The following ZNF12 variants were observed in gnomAD, a reference collection of about 807,000 sequenced individuals.
ZNF12 encodes gonadotropin inducible transcription repressor 3.
Under a neutral mutation model 66.6 loss-of-function variants are expected in ZNF12, and 34 were observed. The ratio of observed to expected loss-of-function variants is 0.51; its 90% CI spans 0.39 to 0.68. The LOEUF is 0.68. ZNF12 is among the 30% of genes least tolerant of loss of function. ZNF12 has a pLI of 0.00. For synonymous variants in ZNF12, 320 were observed against 278.9 expected (o/e 1.15, Z -1.47); for missense variants, 697 against 826.9 (o/e 0.84, Z 1.93).
chr7:6,691,435 A>G lies in ZNF12; in HGVS notation c.1507T>C (p.Ser503Pro), dbSNP rs1440133363. Residue 503 changes from serine to proline, a missense_variant, in exon 5 of 5, where the codon TCC becomes CCC. This residue lies in a region of ZNF12 where 401 missense variants were observed against 519.0 expected (regional missense o/e 0.77). Coordinates refer to ENST00000405858, the MANE Select transcript of ZNF12 (RefSeq NM_016265.4). ...YECNECGKLFSQLSYLTIHHR... is the reference protein window; with the variant it reads ...YECNECGKLFPQLSYLTIHHR... ...TGGATAGTGAGGTATGACAACTGGG[A>G]GAATAACTTTCCACATTCATTACAT... 6.2e-7 allele frequency: 1 copy of G among 1,614,032 alleles called. No homozygotes were observed. Among genetic ancestry groups the G allele is most frequent in the South Asian group, 1.1e-5 (1 of 91,072 alleles).
intron 2 of ZNF12, among the ~76,000 whole-genome samples, chr7:6,699,193 G>A (rs1371657501): frequency 6.6e-6 from 1 of 152,234 alleles, no homozygotes; most frequent in Non-Finnish European, 1.5e-5. Flanking sequence ...CAGGAATGGT[G>A]TAGAAGGTGT....
At chr7:6,695,322 T>C (rs1386517286) in intron 4 of ZNF12, among the ~76,000 whole-genome samples, 1 of 152,248 alleles carries the variant, frequency 6.6e-6, no homozygotes, top group Non-Finnish European at 1.5e-5. Flanking sequence ...TTAATCTGAA[T>C]CATATAGGTA....
Position 6,705,191 on chromosome 7 carries a change from A to G in ZNF12, c.-18T>C. ...TTATTCATTTTCTGCTGCTCTTGGA[A>G]AAATCTGGAGGACTGTGAAAGCGGA... On this transcript the variant is annotated 5_prime_UTR_variant, in exon 2 of 5. Coordinates refer to ENST00000405858, the MANE Select transcript of ZNF12 (RefSeq NM_016265.4). The surrounding 1 kb of genome is among the most constrained non-coding windows in gnomAD (Gnocchi z 4.0). 6.2e-7 allele frequency: 1 copy of G among 1,613,760 alleles called. No individual in the cohort carries two copies. The highest frequency in any genetic ancestry group is 8.5e-7 in the Non-Finnish European group (1 of 1,179,722).
chr7:6,699,266 T>C (rs1394891063), intron 2 of ZNF12, among the ~76,000 whole-genome samples: 1 of 152,228 alleles, frequency 6.6e-6, no homozygotes, highest in Non-Finnish European at 1.5e-5. Flanking sequence ...TGATGTTGAC[T>C]GAACACCTTG....
At position 6,699,942 on chromosome 7, in the gene ZNF12, A is replaced by AT. The variant is rs919775371; in HGVS notation, c.16-2132dup. Among the ~76,000 whole-genome samples the AT allele has an allele frequency of 7.2e-5, 11 of 151,878 alleles. No individual in the cohort carries two copies. The South Asian group carries it at 8.4e-4, about 12-fold the overall frequency. On this transcript the variant is annotated intron_variant, in intron 2 of 4. Transcript: ENST00000405858. Reference sequence around the variant, plus strand: ...ACATAAAATCTCTATTTTATTTTCGATTTTTTTTTAAATCTCTATTTTAAA... The same window carrying AT: ...ACATAAAATCTCTATTTTATTTTCGATTTTTTTTTTAAATCTCTATTTTAAA...
rs1054885412 is a variant in ZNF12, at chr7:6,696,845, T to A, written c.238+494A>T. On this transcript the variant is annotated intron_variant, in intron 4 of 4. Coordinates refer to ENST00000405858, the MANE Select transcript of ZNF12 (RefSeq NM_016265.4). The surrounding 1 kb of genome is among the most constrained non-coding windows in gnomAD (Gnocchi z 4.0). ...CTGTCCAATGAAGCACAGGTGCACA[T>A]GACAAGTAGCAGGATCCACTGGCTT... is the stretch of plus-strand genomic sequence containing the variant. Among the ~76,000 whole-genome samples the A allele has an allele frequency of 5.9e-5, 9 of 151,856 alleles. No homozygotes were observed. The highest frequency in any genetic ancestry group is 2.2e-4 in the African/African-American group (9 of 41,342).
rs1780337324 is a variant in ZNF12, at chr7:6,705,351, T to A, written c.-50-128A>T. 13 of 631,870 alleles carry A rather than the reference T, an allele frequency of 2.1e-5. No homozygotes were observed. In the South Asian group the frequency reaches 2.5e-4, roughly 12 times the overall value. 39.1% of individuals were successfully genotyped at this position (631,870 alleles called of 1,614,324 possible). A position where few individuals can be genotyped will look rare whatever the true frequency, so the allele number is the denominator to read the frequency against. On this transcript the variant is annotated intron_variant, in intron 1 of 4. Coordinates refer to ENST00000405858, the MANE Select transcript of ZNF12 (RefSeq NM_016265.4). This position sits in a 1 kb window ranked among gnomAD's most constrained non-coding sequence, Gnocchi z 4.0. ...TTGTGGGAGACTGTCCCTTTAAGCC[T>A]TCAGAAGGGATTGGAAAATGATCAG...
At position 6,690,779 on chromosome 7, in the gene ZNF12, T is replaced by G; in HGVS notation, c.*69A>C. ...GTGAACTCTCTGATGTACAAGGTGTTTGACTTCAGGCAGGAGTTTCTGATT... is the reference window on the plus strand; with the variant it reads ...GTGAACTCTCTGATGTACAAGGTGTGTGACTTCAGGCAGGAGTTTCTGATT... On this transcript the variant is annotated 3_prime_UTR_variant, in exon 5 of 5. Transcript: ENST00000405858. 3 of 1,449,994 alleles carry G rather than the reference T, an allele frequency of 2.1e-6. No homozygotes were observed. The highest frequency in any genetic ancestry group is 2.9e-5 in the South Asian group (2 of 69,304). The allele number at this position is 1,449,994 out of a possible 1,614,324, so 89.8% of individuals were successfully genotyped here. A position where few individuals can be genotyped will look rare whatever the true frequency, so the allele number is the denominator to read the frequency against.
Position 6,689,379 on chromosome 7 carries a change from GC to G in ZNF12, c.*1468del, listed in dbSNP as rs1156260894. ...CACTTCCCTTTGCTTGAATCCTTGG[GC>G]CTTTGAGAAAACCTTTTCCAGAAGT... On this transcript the variant is annotated 3_prime_UTR_variant, in exon 5 of 5. Transcript: ENST00000405858. 6.6e-6 allele frequency: 1 copy of G among 152,200 alleles called. No individual in the cohort carries two copies. Among genetic ancestry groups the G allele is most frequent in the Non-Finnish European group, 1.5e-5 (1 of 68,042 alleles). 9.4% of individuals were successfully genotyped at this position (152,200 alleles called of 1,614,324 possible). A position where few individuals can be genotyped will look rare whatever the true frequency, so the allele number is the denominator to read the frequency against.
intron 1 of ZNF12, among the ~76,000 whole-genome samples, 177 bp downstream of exon 1, chr7:6,706,255 G>A (rs940942513): frequency 3.3e-5 from 5 of 152,200 alleles, no homozygotes; most frequent in African/African-American, 9.7e-5. Flanking sequence ...GCTGAGGCTG[G>A]TGACACCCCC....
Position 6,692,215 on chromosome 7 carries a change from A to C in ZNF12, c.727T>G (p.Trp243Gly), listed in dbSNP as rs762460141. 6.2e-7 allele frequency: 1 copy of C among 1,613,982 alleles called. No individual in the cohort carries two copies. Among genetic ancestry groups the C allele is most frequent in the Non-Finnish European group, 8.5e-7 (1 of 1,179,872 alleles). ...VNHMEEKPYK[W>G]NGSEIAFLQM... ...AGAAAGGCTATTTCAGATCCATTCC[A>C]CTTATAGGGCTTTTCTTCCATGTGA... The change falls in exon 5 of 5, where the codon TGG (tryptophan) becomes GGG (glycine). Residue 243 changes from tryptophan to glycine, a missense_variant. Trp to Gly is a radical substitution (Grantham distance 184). Coordinates refer to ENST00000405858, the MANE Select transcript of ZNF12 (RefSeq NM_016265.4). The surrounding 1 kb of genome is among the most constrained non-coding windows in gnomAD (Gnocchi z 5.1).
At chr7:6,701,670 A>G (rs1375675302) in intron 2 of ZNF12, among the ~76,000 whole-genome samples, 3 of 151,954 alleles carry the variant, frequency 2.0e-5, no homozygotes, top group African/African-American at 7.3e-5. Context: ...CTGACGAGCT[A>G]TTTCCCTGAG....
chr7:6,702,440 G>A (rs1780265932), intron 2 of ZNF12, among the ~76,000 whole-genome samples: 1 of 61,070 alleles, frequency 1.6e-5, no homozygotes, highest in Non-Finnish European at 3.0e-5. Flanking sequence ...ACACACACCA[G>A]ATTCATCTCC....
rs535907637 is a variant in ZNF12, at chr7:6,690,626, T to A, written c.*222A>T. 7.7e-5 allele frequency: 37 copies of A among 483,380 alleles called. No homozygotes were observed. The highest frequency in any genetic ancestry group is 6.2e-4 in the African/African-American group (32 of 51,570). 29.9% of individuals were successfully genotyped at this position (483,380 alleles called of 1,614,324 possible). A position where few individuals can be genotyped will look rare whatever the true frequency, so the allele number is the denominator to read the frequency against. ...TGACATGTATATACATTCTTAATATTTATAAATTTTTACTTGTCTATAGTC... is the reference window on the plus strand; with the variant it reads ...TGACATGTATATACATTCTTAATATATATAAATTTTTACTTGTCTATAGTC... On this transcript the variant is annotated 3_prime_UTR_variant, in exon 5 of 5. Coordinates refer to ENST00000405858, the MANE Select transcript of ZNF12 (RefSeq NM_016265.4).
At position 6,690,749 on chromosome 7, in the gene ZNF12, C is replaced by T; in HGVS notation, c.*99G>A. The T allele has an allele frequency of 8.1e-7, 1 of 1,230,524 alleles. No homozygotes were observed. Among genetic ancestry groups the T allele is most frequent in the Non-Finnish European group, 1.1e-6 (1 of 904,010 alleles). 76.2% of individuals were successfully genotyped at this position (1,230,524 alleles called of 1,614,324 possible). A position where few individuals can be genotyped will look rare whatever the true frequency, so the allele number is the denominator to read the frequency against. Reference sequence around the variant, plus strand: ...ACACACAAGGGGATGTCCACACTAACCTGTGTGAACTCTCTGATGTACAAG... The same window carrying T: ...ACACACAAGGGGATGTCCACACTAATCTGTGTGAACTCTCTGATGTACAAG... On this transcript the variant is annotated 3_prime_UTR_variant, in exon 5 of 5. Transcript: ENST00000405858.
rs1043505798 is a variant in ZNF12 at position 6,696,269 on chromosome 7, T to C, written c.238+1070A>G. Among the ~76,000 whole-genome samples, 25 of 152,218 alleles carry C rather than the reference T, an allele frequency of 1.6e-4. No homozygotes were observed. The highest frequency in any genetic ancestry group is 1.3e-4 in the Admixed American group (2 of 15,288). On this transcript the variant is annotated intron_variant, in intron 4 of 4. Coordinates refer to ENST00000405858, the MANE Select transcript of ZNF12 (RefSeq NM_016265.4). This position sits in a 1 kb window ranked among gnomAD's most constrained non-coding sequence, Gnocchi z 4.0. ...AAATCCAGTAATCCAGAGAGATCAGTAATATCTGATGAGAATTTCAGTGGT... is the reference window on the plus strand; with the variant it reads ...AAATCCAGTAATCCAGAGAGATCAGCAATATCTGATGAGAATTTCAGTGGT...
At chr7:6,695,178 G>C (rs1420397455) in intron 4 of ZNF12, among the ~76,000 whole-genome samples, 5 of 152,210 alleles carry the variant, frequency 3.3e-5, no homozygotes, top group African/African-American at 1.2e-4. Context: ...GCCTCCCAAA[G>C]TGCTGGGATT....
chr7:6,704,568 TA>T (rs752684046), intron 2 of ZNF12, among the ~76,000 whole-genome samples: 6,040 of 84,826 alleles, frequency 0.071, 234 homozygotes, highest in African/African-American at 0.15. Flanking sequence ...GTCTCTACTT[TA>T]AAAAAAAAAA....
chr7:6,700,264 A>G (rs534632379), intron 2 of ZNF12, among the ~76,000 whole-genome samples: 4 of 148,740 alleles, frequency 2.7e-5, no homozygotes, highest in African/African-American at 5.0e-5. Context: ...CAGCCTGGGC[A>G]ACAGAGCAAG....
Sources: gnomAD v4.1 joint callset for allele counts (sites outside exome capture counted in the v4.1 genomes callset) on GRCh38, gnomAD v4.1.1 for gene constraint, gnomAD v4.1.1 regional missense constraint, Gnocchi (gnomAD v3.1) non-coding constraint, MANE v1.5 for transcripts, NCBI Gene and HGNC (gene_info 2026-07-23, HGNC 2026-07-21) for gene names.